NLGN1: variants seen among roughly 807,000 people sequenced by gnomAD.
NLGN1 encodes the protein neuroligin-1.
NLGN1 carries 12 observed loss-of-function variants against 65.5 expected under a neutral mutation model. That is an observed-to-expected ratio of 0.18 (90% CI 0.12 to 0.30). The LOEUF is 0.30. NLGN1 is among the 10% of genes least tolerant of loss of function. The pLI is 1.00. For missense variants in NLGN1, 750 were observed against 1,007.1 expected (o/e 0.74, Z 3.46); for synonymous variants, 350 against 359.5 (o/e 0.97, Z 0.30).
At chr3:174,097,585 A>G (rs949174867) in intron 4 of NLGN1, among the ~76,000 whole-genome samples, 6 of 152,170 alleles carry the variant, frequency 3.9e-5, no homozygotes, top group African/African-American at 1.2e-4. Context: ...TTGAATCTCA[A>G]TCATTAAATC....
rs551211357 is a variant in NLGN1 at position 174,090,241 on chromosome 3, C to T, written c.647-185074C>T. ...ATCCTTGCACTTTGGAAAGCTGAGG[C>T]GGGCAGATCACTTGAGGTCAAGAGT... On this transcript the variant is annotated intron_variant, in intron 4 of 6. Coordinates refer to ENST00000457714, the Ensembl canonical transcript of NLGN1. Among the ~76,000 whole-genome samples the T allele has an allele frequency of 1.8e-4, 27 of 152,146 alleles. No homozygotes were observed. The East Asian group carries it at 5.2e-3, about 29-fold the overall frequency.
At chr3:174,174,524 G>C (rs959439027) in intron 4 of NLGN1, among the ~76,000 whole-genome samples, 7 of 152,118 alleles carry the variant, frequency 4.6e-5, no homozygotes, top group Admixed American at 2.6e-4. Flanking sequence ...CATTCTTGCA[G>C]GAGTAAGGTG....
intron 3 of NLGN1, among the ~76,000 whole-genome samples, chr3:173,777,257 CA>C (rs1340279827): frequency 6.6e-6 from 1 of 151,882 alleles, no homozygotes; most frequent in Non-Finnish European, 1.5e-5. Context: ...ATATTACAAT[CA>C]TGAAACAGTA....
At chr3:173,629,012 G>C (rs1755249031) in intron 3 of NLGN1, among the ~76,000 whole-genome samples, 1 of 151,634 alleles carries the variant, frequency 6.6e-6, no homozygotes, top group Non-Finnish European at 1.5e-5. Flanking sequence ...AGTGAGATCA[G>C]AGCACTTTCT....
chr3:174,076,698 A>C (rs1468945272), intron 4 of NLGN1, among the ~76,000 whole-genome samples: 2 of 129,162 alleles, frequency 1.5e-5, no homozygotes, highest in African/African-American at 2.9e-5. Flanking sequence ...AGAGAGAGAG[A>C]GAGAGAGAGA....
intron 4 of NLGN1, among the ~76,000 whole-genome samples, chr3:173,907,065 T>A (rs1252261814): frequency 6.6e-6 from 1 of 152,040 alleles, no homozygotes; most frequent in Admixed American, 6.6e-5. Flanking sequence ...CCAGGCCTGG[T>A]AGTCATTTTA....
chr3:174,203,752 T>C (rs1273004031), intron 4 of NLGN1, among the ~76,000 whole-genome samples: 1 of 152,196 alleles, frequency 6.6e-6, no homozygotes, highest in Non-Finnish European at 1.5e-5. Flanking sequence ...TAGATACATA[T>C]TTTTCATAAG....
At chr3:174,256,801 A>G (rs1405560661) in intron 4 of NLGN1, among the ~76,000 whole-genome samples, 1 of 152,208 alleles carries the variant, frequency 6.6e-6, no homozygotes, top group Non-Finnish European at 1.5e-5. Context: ...CCAAAACTGT[A>G]GAAACCCTAG....
At chr3:173,601,157 G>A (rs765390978) in intron 2 of NLGN1, among the ~76,000 whole-genome samples, 6 of 151,934 alleles carry the variant, frequency 3.9e-5, no homozygotes, top group Non-Finnish European at 7.4e-5. Flanking sequence ...GGATTGATAG[G>A]CTAATCTGTG....
At chr3:173,901,353 A>C (rs1737315939) in intron 4 of NLGN1, among the ~76,000 whole-genome samples, 1 of 142,964 alleles carries the variant, frequency 7.0e-6, no homozygotes, top group Admixed American at 8.0e-5. Context: ...TTGAAAAACT[A>C]GTATTTTTTT....
intron 4 of NLGN1, among the ~76,000 whole-genome samples, chr3:173,829,738 T>G (rs922295337): frequency 6.6e-6 from 1 of 152,206 alleles, no homozygotes; most frequent in Non-Finnish European, 1.5e-5. Flanking sequence ...ATCTGTGCTC[T>G]GGTAGAATTT....
chr3:174,170,392 A>G (rs950542115), intron 4 of NLGN1, among the ~76,000 whole-genome samples: 2 of 152,182 alleles, frequency 1.3e-5, no homozygotes, highest in Non-Finnish European at 2.9e-5. Context: ...TACAGGGCCC[A>G]GCAGCACATG....
intron 3 of NLGN1, among the ~76,000 whole-genome samples, chr3:173,661,188 G>A (rs576197288): frequency 3.3e-5 from 5 of 152,030 alleles, no homozygotes; most frequent in African/African-American, 9.6e-5. Flanking sequence ...AGAGTAGTGA[G>A]CGAGCTGAAA....
chr3:174,021,311 AG>A (rs775053542), intron 4 of NLGN1, among the ~76,000 whole-genome samples: 8 of 152,078 alleles, frequency 5.3e-5, no homozygotes, highest in Non-Finnish European at 8.8e-5. Flanking sequence ...GAGAAAAGTA[AG>A]GGCAATGTAA....
chr3:173,966,122 G>A (rs116340152), intron 4 of NLGN1, among the ~76,000 whole-genome samples: 2,283 of 152,154 alleles, frequency 0.015, 57 homozygotes, highest in African/African-American at 0.05. Flanking sequence ...TATTATTTCC[G>A]TAATAATTTG....
chr3:173,526,392 C>T (rs1735648851), intron 2 of NLGN1, among the ~76,000 whole-genome samples: 1 of 151,778 alleles, frequency 6.6e-6, no homozygotes, highest in African/African-American at 2.4e-5. Flanking sequence ...TACTGCTCTT[C>T]ATTTTTTAAT....
At chr3:173,880,928 T>A (rs1733102888) in intron 4 of NLGN1, among the ~76,000 whole-genome samples, 1 of 152,102 alleles carries the variant, frequency 6.6e-6, no homozygotes, top group Non-Finnish European at 1.5e-5. Context: ...AAATTCTAAA[T>A]CTTTTATTGT....
chr3:174,230,566 A>T (rs1008188096), intron 4 of NLGN1, among the ~76,000 whole-genome samples: 2 of 152,212 alleles, frequency 1.3e-5, no homozygotes, highest in African/African-American at 4.8e-5. Context: ...AAAAAGATTT[A>T]TGCACAAAAG....
chr3:174,278,914 G>A lies in NLGN1; in HGVS notation c.913G>A (p.Val305Ile), dbSNP rs147487792. ...TGGAACAGCCCTTTCCAGCTGGGCT[G>A]TTAGTTTTCAACCTGCAAAATATGC... Residue 305 changes from valine to isoleucine, a missense_variant, in exon 6 of 7, where the codon GTT (valine) becomes ATT (isoleucine). Coordinates refer to ENST00000457714, the Ensembl canonical transcript of NLGN1. 1.2e-4 allele frequency: 187 copies of A among 1,514,650 alleles called. 1 individual carries two copies. The highest frequency in any genetic ancestry group is 1.6e-4 in the Non-Finnish European group (182 of 1,133,542). 93.8% of individuals were successfully genotyped at this position (1,514,650 alleles called of 1,614,324 possible).
Sources: allele counts gnomAD v4.1 joint callset (sites outside exome capture counted in the v4.1 genomes callset), GRCh38; gene constraint gnomAD v4.1.1; transcripts MANE v1.5; gene names NCBI Gene and HGNC (gene_info 2026-07-23, HGNC 2026-07-21).